Variants in ASH1L observed in about 807,000 individuals in gnomAD.
ASH1L encodes ASH1 like histone lysine methyltransferase, also known as histone-lysine N-methyltransferase ASH1L.
ASH1L carries 23 observed loss-of-function variants against 269.0 expected under a neutral mutation model. That is an observed-to-expected ratio of 0.09 (90% CI 0.06 to 0.12). The LOEUF is 0.12. ASH1L is among the 10% of genes least tolerant of loss of function. ASH1L has a pLI of 1.00. For missense variants in ASH1L, 2,912 were observed against 3,567.8 expected (o/e 0.82, Z 4.68); for synonymous variants, 1,187 against 1,253.5 (o/e 0.95, Z 1.12).
intron 6 of ASH1L, among the ~76,000 whole-genome samples, chr1:155,407,617 T>C (rs1221958386): frequency 6.6e-6 from 1 of 152,138 alleles, no homozygotes; most frequent in Middle Eastern, 3.2e-3. Context: ...TGTACACAAA[T>C]GTTCATAGCA....
At chr1:155,413,164 C>T (rs1404766811) in intron 6 of ASH1L, among the ~76,000 whole-genome samples, 1 of 152,024 alleles carries the variant, frequency 6.6e-6, no homozygotes, top group African/African-American at 2.4e-5. Context: ...TTTCTACTGA[C>T]AGAATGTTGA....
At chr1:155,404,705 A>AGCAG (rs1255171966) in intron 6 of ASH1L, among the ~76,000 whole-genome samples, 1 of 152,144 alleles carries the variant, frequency 6.6e-6, no homozygotes. Context: ...TTCTATACAT[A>AGCAG]GCAATAAACA....
chr1:155,457,959 G>T (rs1663991087), intron 4 of ASH1L, among the ~76,000 whole-genome samples: 1 of 152,106 alleles, frequency 6.6e-6, no homozygotes, highest in Admixed American at 6.5e-5. Flanking sequence ...CATATATAAT[G>T]CTTACCTCAT....
At chr1:155,497,973 C>T (rs1053510540) in intron 2 of ASH1L, among the ~76,000 whole-genome samples, 8 of 152,044 alleles carry the variant, frequency 5.3e-5, no homozygotes, top group African/African-American at 1.9e-4. Flanking sequence ...AGGATGGTCT[C>T]GATCTCCTGA....
At chr1:155,439,435 T>C (rs1176785792) in intron 4 of ASH1L, among the ~76,000 whole-genome samples, 1 of 152,148 alleles carries the variant, frequency 6.6e-6, no homozygotes, top group Non-Finnish European at 1.5e-5. Context: ...CAGTGGCTCA[T>C]GTCTGTAATC....
In ASH1L at chr1:155,338,162, T is replaced by C; in HGVS notation, c.8730A>G (p.Glu2910=). 6.2e-7 allele frequency: 1 copy of C among 1,614,222 alleles called. No individual in the cohort carries two copies. Among genetic ancestry groups the C allele is most frequent in the Non-Finnish European group, 8.5e-7 (1 of 1,180,034 alleles). The part of the protein sequence containing the change: ...QEPQSTCTPE[E]RRHNQRERLN... Reference sequence around the variant, plus strand: ...GTCGTTCCCGTTGGTTATGCCGTCGTTCCTCAGGGGTACAGGTTGACTGGG... The same window carrying C: ...GTCGTTCCCGTTGGTTATGCCGTCGCTCCTCAGGGGTACAGGTTGACTGGG... The change falls in exon 27 of 28, where the codon GAA becomes GAG. Residue 2910 remains glutamate (E), a synonymous_variant. Coordinates refer to ENST00000392403, the MANE Select transcript of ASH1L (RefSeq NM_018489.3).
intron 10 of ASH1L, among the ~76,000 whole-genome samples, chr1:155,373,725 T>G (rs1218804959): frequency 1.3e-5 from 2 of 152,072 alleles, no homozygotes; most frequent in Admixed American, 6.6e-5. Context: ...TGGAGTGCAG[T>G]GGCATGATCT....
chr1:155,352,991 T>C, intron 16 of ASH1L, 133 bp from the exon 17 acceptor site: 4 of 760,232 alleles, frequency 5.3e-6, no homozygotes, highest in Non-Finnish European at 4.0e-6. Context: ...CACAGAGTTC[T>C]TTCTATCTTC....
intron 7 of ASH1L, among the ~76,000 whole-genome samples, chr1:155,391,688 C>T (rs1190712717): frequency 6.6e-6 from 1 of 152,156 alleles, no homozygotes; most frequent in Non-Finnish European, 1.5e-5. Flanking sequence ...GGCACAGTGG[C>T]TCATGCCTGT....
At chr1:155,557,833 T>C (rs1295294195) in intron 1 of ASH1L, among the ~76,000 whole-genome samples, 4 of 152,150 alleles carry the variant, frequency 2.6e-5, no homozygotes, top group African/African-American at 7.2e-5. Context: ...AATGAACTAG[T>C]TGCATTTCCA....
Position 155,480,241 on chromosome 1 carries a change from A to T in ASH1L, c.2629T>A (p.Phe877Ile), listed in dbSNP as rs2148726096. Reference sequence around the variant, plus strand: ...GGAGACACAGACAGACCTTGTTTGAAGGAAGGGATTTCAATTTCTGGCTGT... The same window carrying T: ...GGAGACACAGACAGACCTTGTTTGATGGAAGGGATTTCAATTTCTGGCTGT... Reference protein sequence around the residue: ...ILQPEIEIPSFKQGLSVSPFP... With the variant: ...ILQPEIEIPSIKQGLSVSPFP... Residue 877 changes from phenylalanine (F) to isoleucine (I), a missense_variant, in exon 3 of 28, where the codon TTC becomes ATC. This residue lies in a region of ASH1L where 715 missense variants were observed against 721.0 expected (regional missense o/e 0.99). Coordinates refer to ENST00000392403, the MANE Select transcript of ASH1L (RefSeq NM_018489.3). 10 of 1,614,180 alleles carry T rather than the reference A, an allele frequency of 6.2e-6. No individual in the cohort carries two copies. Among genetic ancestry groups the T allele is most frequent in the Admixed American group, 1.7e-5 (1 of 60,026 alleles).
intron 1 of ASH1L, among the ~76,000 whole-genome samples, chr1:155,534,088 C>A (rs1037795772): frequency 6.7e-6 from 1 of 149,718 alleles, no homozygotes; most frequent in Non-Finnish European, 1.5e-5. Context: ...GAGTTCCCAG[C>A]TGCTTGAGCC....
intron 2 of ASH1L, among the ~76,000 whole-genome samples, chr1:155,502,739 A>G (rs1667595707): frequency 1.3e-5 from 2 of 152,180 alleles, no homozygotes; most frequent in African/African-American, 4.8e-5. Context: ...GAGTCTTTCC[A>G]TTCCCTCATC....
intron 16 of ASH1L, among the ~76,000 whole-genome samples, chr1:155,353,463 C>A (rs953527593): frequency 2.6e-5 from 4 of 152,008 alleles, no homozygotes; most frequent in African/African-American, 9.7e-5. Flanking sequence ...CCTCACACAT[C>A]ACATAGAATT....
At position 155,395,440 on chromosome 1, in the gene ASH1L, G is replaced by A. The variant is rs748581589; in HGVS notation, c.6103+19C>T. On this transcript the variant is annotated intron_variant, in intron 7 of 27. Coordinates refer to ENST00000392403, the MANE Select transcript of ASH1L (RefSeq NM_018489.3). Reference sequence around the variant, plus strand: ...TACTGTTTCTTCTCAGCAATACATTGTGTGGACTCGGTACTTACCAACATG... The same window carrying A: ...TACTGTTTCTTCTCAGCAATACATTATGTGGACTCGGTACTTACCAACATG... The A allele has an allele frequency of 6.4e-6, 10 of 1,561,158 alleles. No individual in the cohort carries two copies. Among genetic ancestry groups the A allele is most frequent in the Non-Finnish European group, 7.9e-6 (9 of 1,143,814 alleles).
chr1:155,498,335 A>C (rs1334719299), intron 2 of ASH1L, among the ~76,000 whole-genome samples: 1 of 151,650 alleles, frequency 6.6e-6, no homozygotes, highest in Non-Finnish European at 1.5e-5. Flanking sequence ...AAACAATGTA[A>C]ATGTACTTAA....
At position 155,343,103 on chromosome 1, in the gene ASH1L, C is replaced by T. The variant is rs1558013402; in HGVS notation, c.8293+211G>A. 2.0e-6 allele frequency: 1 copy of T among 495,012 alleles called. No individual in the cohort carries two copies. Among genetic ancestry groups the T allele is most frequent in the East Asian group, 3.4e-5 (1 of 29,122 alleles). The allele number at this position is 495,012 out of a possible 1,614,324, so 30.7% of individuals were successfully genotyped here. On this transcript the variant is annotated intron_variant, in intron 24 of 27. Transcript: ENST00000392403. This position sits in a 1 kb window ranked among gnomAD's most constrained non-coding sequence, Gnocchi z 6.1. ...CTTGGCTCACTGCAACCTCTGCCTCCCAGGCTCAGCAATCCTCCCAGTAGT... is the reference window on the plus strand; with the variant it reads ...CTTGGCTCACTGCAACCTCTGCCTCTCAGGCTCAGCAATCCTCCCAGTAGT...
chr1:155,563,112 C>T (rs866656027), upstream of ASH1L: 12 of 457,744 alleles, frequency 2.6e-5, no homozygotes, highest in African/African-American at 2.4e-4. Context: ...GCTCGCCTCC[C>T]TCTGCTCCTC....
chr1:155,417,716 T>C (rs1017012275), intron 5 of ASH1L, among the ~76,000 whole-genome samples: 1 of 152,148 alleles, frequency 6.6e-6, no homozygotes, highest in African/African-American at 2.4e-5. Context: ...CCCAGCACTT[T>C]GGGAGGCTGA....
Sources: allele counts gnomAD v4.1 joint callset (sites outside exome capture counted in the v4.1 genomes callset), GRCh38; gene constraint gnomAD v4.1.1; regional missense constraint gnomAD v4.1.1; non-coding constraint Gnocchi (gnomAD v3.1); transcripts MANE v1.5; gene names NCBI Gene and HGNC (gene_info 2026-07-23, HGNC 2026-07-21).